DDX17: variants seen among roughly 807,000 people sequenced by gnomAD.
The protein encoded by DDX17 is DEAD-box helicase 17.
Under a neutral mutation model 80.8 loss-of-function variants are expected in DDX17, and 10 were observed. That is an observed-to-expected ratio of 0.12 (90% CI 0.08 to 0.21). The LOEUF (loss-of-function observed/expected upper bound fraction) is 0.21, where lower values mean the gene tolerates loss of function less well. Ranked by LOEUF, DDX17 falls within the 10% of genes least tolerant of loss-of-function variation. The pLI is 1.00. For synonymous variants in DDX17, 339 were observed against 336.2 expected, an observed-to-expected ratio of 1.01 and a Z score of -0.09; for missense variants, 586 against 957.4, an observed-to-expected ratio of 0.61 and a Z score of 5.12.
At position 38,492,229 on chromosome 22, in the gene DDX17, A is replaced by G; in HGVS notation, c.1388-114T>C. ...TGCCAGAAAATCCCAAGCTCTTGTA[A>G]TGACTGACAGTGATTCTTTTGAAAA... On this transcript the variant is annotated intron_variant, in intron 10 of 12. Transcript: ENST00000403230. 6 of 775,678 alleles carry G rather than the reference A, an allele frequency of 7.7e-6. 1 individual carries two copies. The South Asian group carries it at 1.2e-4, about 15-fold the overall frequency. 48.0% of individuals were successfully genotyped at this position (775,678 alleles called of 1,614,324 possible). A position where few individuals can be genotyped will look rare whatever the true frequency, so the allele number is the denominator to read the frequency against.
chr22:38,496,065 G>A (rs2089763203), intron 5 of DDX17, 128 bp from the exon 6 acceptor site: 5 of 814,532 alleles, frequency 6.1e-6, no homozygotes, highest in Middle Eastern at 3.9e-4. Context: ...TAAAAGTGAT[G>A]GGGTGAAGAT....
At chr22:38,491,852 AG>A (rs1164570969) in intron 11 of DDX17, 2 of 405,410 alleles carry the variant, frequency 4.9e-6, no homozygotes, top group South Asian at 7.6e-5. Flanking sequence ...TGAAAATAAA[AG>A]GGGGGTGGGG....
chr22:38,504,745 C>T (rs529209490), intron 1 of DDX17, among the ~76,000 whole-genome samples: 9 of 152,182 alleles, frequency 5.9e-5, no homozygotes, highest in Non-Finnish European at 8.8e-5. Context: ...GTTAACAGAG[C>T]GCCTACTACA....
chr22:38,494,842 T>C (rs2089744972), intron 7 of DDX17, 40 bp from the exon 8 acceptor site: 1 of 1,613,804 alleles, frequency 6.2e-7, no homozygotes, highest in South Asian at 1.1e-5. Flanking sequence ...GCTAAGGAAC[T>C]TGGACAAATG....
At position 38,489,485 on chromosome 22, in the gene DDX17, C is replaced by T; in HGVS notation, c.1448-1370G>A. ...TGGGTTCGGGTAAAAATTTCAGGTC[C>T]TCCAACGCCTCCCCCAAGGATAATT... On this transcript the variant is annotated intron_variant, in intron 11 of 12. Transcript: ENST00000403230. This position sits in a 1 kb window ranked among gnomAD's most constrained non-coding sequence, Gnocchi z 4.6. The T allele has an allele frequency of 1.0e-6, 1 of 985,580 alleles. No homozygotes were observed. The highest frequency in any genetic ancestry group is 1.2e-6 in the Non-Finnish European group (1 of 829,914). The allele number at this position is 985,580 out of a possible 1,614,324, so 61.1% of individuals were successfully genotyped here.
At chr22:38,504,066 G>A (rs956539517) in intron 1 of DDX17, among the ~76,000 whole-genome samples, 1 of 152,130 alleles carries the variant, frequency 6.6e-6, no homozygotes, top group Non-Finnish European at 1.5e-5. Flanking sequence ...AAACACCAAT[G>A]GTAAAGAAAT....
chr22:38,505,986 GCCT>G lies in DDX17; in HGVS notation c.249_251del (p.Gly84del). 1 of 1,592,194 alleles carries G rather than the reference GCCT, an allele frequency of 6.3e-7. No individual in the cohort carries two copies. The highest frequency in any genetic ancestry group is 8.5e-7 in the Non-Finnish European group (1 of 1,170,024). ...CACGATCCCGGTCCCGGTCCCCAAA[GCCT>G]CCTCCGCGCATGGTCCCAAAAGGAT... On this transcript the variant is annotated inframe_deletion, in exon 1 of 13. Transcript: ENST00000403230.
chr22:38,492,255 T>G (rs1262159326), intron 10 of DDX17, 140 bp from the exon 11 acceptor site: 1 of 624,326 alleles, frequency 1.6e-6, no homozygotes, highest in Non-Finnish European at 2.7e-6. Context: ...CTTTTGAAAA[T>G]CTTTATTACA....
intron 5 of DDX17, 80 bp from the exon 6 acceptor site, chr22:38,496,017 A>C: frequency 1.6e-6 from 2 of 1,287,832 alleles, no homozygotes; most frequent in Non-Finnish European, 2.0e-6. Context: ...CAAAATACAA[A>C]AAGCTAATTT....
At chr22:38,487,118 A>T (rs988002302) in intron 12 of DDX17, among the ~76,000 whole-genome samples, 1 of 152,150 alleles carries the variant, frequency 6.6e-6, no homozygotes, top group Non-Finnish European at 1.5e-5. Context: ...AAGTGAGCCG[A>T]GATCGTGCCA....
rs759988639 is a variant in DDX17 at position 38,495,976 on chromosome 22, G to GT, written c.739-40dup. On this transcript the variant is annotated intron_variant, in intron 5 of 12. Coordinates refer to ENST00000403230, the MANE Select transcript of DDX17 (RefSeq NM_006386.5). ...AAAGACACTTGAGACCTCATCCAAG[G>GT]TTTAAAAAAAAAAAAAAAAAAAAGA... The GT allele has an allele frequency of 4.2e-5, 27 of 646,946 alleles. No individual in the cohort carries two copies. The Admixed American group carries it at 4.7e-4, about 11-fold the overall frequency. The allele number at this position is 646,946 out of a possible 1,614,324, so 40.1% of individuals were successfully genotyped here.
intron 1 of DDX17, among the ~76,000 whole-genome samples, chr22:38,504,500 G>A (rs944379075): frequency 1.7e-4 from 26 of 152,124 alleles, no homozygotes; most frequent in Admixed American, 1.6e-3. Flanking sequence ...ATAATCTCAA[G>A]TTCTTTTTCT....
chr22:38,503,553 C>T (rs2145712926), intron 1 of DDX17, among the ~76,000 whole-genome samples: 1 of 152,246 alleles, frequency 6.6e-6, no homozygotes, highest in Admixed American at 6.5e-5. Context: ...TTAATGCTGA[C>T]ATAATTAATG....
At chr22:38,491,392 A>G (rs1201734796) in intron 11 of DDX17, 3 of 152,180 alleles carry the variant, frequency 2.0e-5, no homozygotes, top group Non-Finnish European at 2.9e-5. Context: ...ATAGTGGGCT[A>G]AACTACCATA....
At chr22:38,487,510 T>G (rs1292928951) in intron 12 of DDX17, among the ~76,000 whole-genome samples, 1 of 152,094 alleles carries the variant, frequency 6.6e-6, no homozygotes, top group Non-Finnish European at 1.5e-5. Context: ...TCCCAGCTAC[T>G]TGGGAGGCTG....
intron 6 of DDX17, 93 bp downstream of exon 6, chr22:38,495,703 T>C: frequency 9.3e-7 from 1 of 1,076,838 alleles, no homozygotes; most frequent in Non-Finnish European, 1.3e-6. Flanking sequence ...ATTCTGAGTT[T>C]ATCACAAGAA....
intron 5 of DDX17, 43 bp downstream of exon 5, chr22:38,498,042 T>G (rs372117898): frequency 6.3e-7 from 1 of 1,578,628 alleles, no homozygotes; most frequent in Non-Finnish European, 8.7e-7. Context: ...GTCGCTAAAT[T>G]GTAGTTTTTC....
chr22:38,501,255 G>A lies in DDX17; in HGVS notation c.313C>T (p.Leu105Phe). 1 of 1,611,668 alleles carries A rather than the reference G, an allele frequency of 6.2e-7. No individual in the cohort carries two copies. The highest frequency in any genetic ancestry group is 1.1e-5 in the South Asian group (1 of 90,700). Residue 105 changes from leucine (L) to phenylalanine (F), a missense_variant, in exon 2 of 13, where the codon CTT becomes TTT. Leu to Phe is a conservative substitution (Grantham distance 22). Transcript: ENST00000403230. ...GGATTACCAAATTTCTTCGGGGGAAGGCCACCACCACCTCTTGCTCCAAAT... is the reference window on the plus strand; with the variant it reads ...GGATTACCAAATTTCTTCGGGGGAAAGCCACCACCACCTCTTGCTCCAAAT...
chr22:38,504,858 T>TG (rs1400402786), intron 1 of DDX17, among the ~76,000 whole-genome samples: 1 of 152,156 alleles, frequency 6.6e-6, no homozygotes, highest in Non-Finnish European at 1.5e-5. Flanking sequence ...AGGTAGGATC[T>TG]TGACCAAGGT....
Sources: allele counts gnomAD v4.1 joint callset (sites outside exome capture counted in the v4.1 genomes callset), GRCh38; gene constraint gnomAD v4.1.1; non-coding constraint Gnocchi (gnomAD v3.1); transcripts MANE v1.5; gene names NCBI Gene and HGNC (gene_info 2026-07-23, HGNC 2026-07-21).